Variants in ZRANB3 observed in about 807,000 individuals in gnomAD.
The protein encoded by ZRANB3 is zinc finger RANBP2-type containing 3.
Under a neutral mutation model 133.8 loss-of-function variants are expected in ZRANB3, and 125 were observed. That is an observed-to-expected ratio of 0.93 (90% CI 0.81 to 1.08). The LOEUF (loss-of-function observed/expected upper bound fraction) is 1.08, where lower values mean the gene tolerates loss of function less well. Ranked by LOEUF, ZRANB3 falls within the 50% of genes least tolerant of loss-of-function variation. The pLI is 0.00. For synonymous variants in ZRANB3, 387 were observed against 432.7 expected, an observed-to-expected ratio of 0.89 and a Z score of 1.31; for missense variants, 1,229 against 1,275.5, an observed-to-expected ratio of 0.96 and a Z score of 0.56.
At chr2:135,506,165 C>A (rs759240048) in intron 1 of ZRANB3, among the ~76,000 whole-genome samples, 16 of 151,980 alleles carry the variant, frequency 1.1e-4, no homozygotes, top group Non-Finnish European at 1.8e-4. Context: ...CCAAAGTGGG[C>A]GGATCACCTG....
rs111240763 is a variant in ZRANB3, at chr2:135,230,630, C to A, written c.1837G>T (p.Ala613Ser). The A allele has an allele frequency of 1.7e-4, 269 of 1,613,616 alleles. 2 individuals carry two copies. The African/African-American group carries it at 3.0e-3, about 18-fold the overall frequency. Residue 613 changes from alanine (A) to serine (S), a missense_variant, in exon 13 of 21, where the codon GCC (alanine) becomes TCC (serine). Physicochemically the swap from Ala to Ser is moderately conservative, Grantham distance 99. Coordinates refer to ENST00000264159, the MANE Select transcript of ZRANB3 (RefSeq NM_032143.4). The part of the protein sequence containing the change: ...PLVESVQEAK[A>S]QLTTPAFPVE... ...GGAAAGGCTGGGGTGGTTAACTGGG[C>A]CTTGGCCTCCTGTACACTTTCCACG... is the stretch of plus-strand genomic sequence containing the variant.
intron 8 of ZRANB3, among the ~76,000 whole-genome samples, chr2:135,283,805 T>C (rs1344637521): frequency 1.3e-5 from 2 of 151,910 alleles, no homozygotes; most frequent in African/African-American, 4.8e-5. Flanking sequence ...TCCATGCCTA[T>C]TTAGGGATGT....
At chr2:135,465,726 C>T (rs1428774192) in intron 2 of ZRANB3, among the ~76,000 whole-genome samples, 1 of 152,128 alleles carries the variant, frequency 6.6e-6, no homozygotes, top group Admixed American at 6.5e-5. Context: ...GCAGAGTGAA[C>T]AGGCAACCTA....
At chr2:135,274,790 G>A (rs1680705876) in intron 9 of ZRANB3, among the ~76,000 whole-genome samples, 1 of 152,190 alleles carries the variant, frequency 6.6e-6, no homozygotes, top group South Asian at 2.1e-4. Flanking sequence ...CAGTGTTTGT[G>A]TCCCTGGGTA....
At chr2:135,330,087 A>G (rs186504752) in intron 6 of ZRANB3, among the ~76,000 whole-genome samples, 2 of 152,044 alleles carry the variant, frequency 1.3e-5, no homozygotes, top group South Asian at 2.1e-4. Flanking sequence ...ACTTCCAACA[A>G]TATGTTGAAT....
intron 6 of ZRANB3, among the ~76,000 whole-genome samples, chr2:135,340,104 C>CA (rs1481469102): frequency 8.1e-6 from 1 of 123,776 alleles, no homozygotes; most frequent in Non-Finnish European, 1.8e-5. Flanking sequence ...TGTCCCTTTT[C>CA]TTTTTTTTTT....
intron 12 of ZRANB3, among the ~76,000 whole-genome samples, chr2:135,260,194 A>G (rs963571422): frequency 1.3e-4 from 20 of 152,300 alleles, no homozygotes; most frequent in African/African-American, 4.3e-4. Context: ...ACTCAATGGA[A>G]GCCACTGTAG....
In ZRANB3 at chr2:135,210,857, T is replaced by C. The variant is rs552723566; in HGVS notation, c.2496-1879A>G. The stretch of plus-strand genomic sequence containing the variant: ...TTCACACATTCACATGGTGAAACCC[T>C]GTCTCTACTAAAAGTACAAAAATTA... On this transcript the variant is annotated intron_variant, in intron 17 of 20. Coordinates refer to ENST00000264159, the MANE Select transcript of ZRANB3 (RefSeq NM_032143.4). Among the ~76,000 whole-genome samples the C allele has an allele frequency of 5.9e-5, 9 of 152,222 alleles. No homozygotes were observed. In the South Asian group the frequency reaches 1.9e-3, roughly 32 times the overall value.
intron 17 of ZRANB3, among the ~76,000 whole-genome samples, chr2:135,210,097 C>A (rs902538937): frequency 2.0e-5 from 3 of 152,010 alleles, no homozygotes; most frequent in African/African-American, 7.2e-5. Flanking sequence ...TTTATTTTGA[C>A]TCAAAATGAT....
At chr2:135,507,285 GA>G (rs920535174) in intron 1 of ZRANB3, among the ~76,000 whole-genome samples, 5 of 152,136 alleles carry the variant, frequency 3.3e-5, no homozygotes, top group Admixed American at 1.3e-4. Flanking sequence ...ATGGCTATAA[GA>G]TAAGAAGTGG....
chr2:135,206,375 A>G (rs904551784), intron 19 of ZRANB3, among the ~76,000 whole-genome samples: 5 of 151,492 alleles, frequency 3.3e-5, no homozygotes, highest in Admixed American at 3.3e-4. Flanking sequence ...AGTAGTTGGG[A>G]TTACAGGTGC....
rs1305015989 is a variant in ZRANB3, at chr2:135,504,333, C to T, written c.157G>A (p.Gly53Ser). 4 of 1,613,084 alleles carry T rather than the reference C, an allele frequency of 2.5e-6. No individual in the cohort carries two copies. In the African/African-American group the frequency reaches 5.3e-5, roughly 22 times the overall value. Residue 53 changes from glycine (G) to serine (S), a missense_variant, in exon 2 of 21, where the codon GGC becomes AGC. Gly to Ser is a moderately conservative substitution (Grantham distance 56, BLOSUM62 0). Coordinates refer to ENST00000264159, the MANE Select transcript of ZRANB3 (RefSeq NM_032143.4). Reference sequence around the variant, plus strand: ...CATGTCTTCAAAGAACTTTACCTGCCATTTCTTTTGAGGGCAAAAATGATG... The same window carrying T: ...CATGTCTTCAAAGAACTTTACCTGCTATTTCTTTTGAGGGCAAAAATGATG... ...DGIIFALKRN[G>S]RCMVADEMGL...
chr2:135,263,743 T>G (rs1445743021), intron 12 of ZRANB3, among the ~76,000 whole-genome samples: 1 of 151,904 alleles, frequency 6.6e-6, no homozygotes, highest in African/African-American at 2.4e-5. Flanking sequence ...TTATAACACA[T>G]TAAATAATAA....
intron 2 of ZRANB3, among the ~76,000 whole-genome samples, chr2:135,432,888 T>C (rs774011237): frequency 1.2e-4 from 19 of 152,046 alleles, no homozygotes; most frequent in Non-Finnish European, 5.9e-5. Flanking sequence ...CAGAGGAAAA[T>C]CTCCCTTACC....
rs1359641747 is a variant in ZRANB3 at position 135,198,609 on chromosome 2, T to C, written c.*1733A>G. ...CTGAAGAGCAAGTTCCCCTCAAATT[T>C]GACCTACTTAGACCTCGCTTGCAAA... On this transcript the variant is annotated 3_prime_UTR_variant, in exon 21 of 21. Coordinates refer to ENST00000264159, the MANE Select transcript of ZRANB3 (RefSeq NM_032143.4). 1 of 152,204 alleles carries C rather than the reference T, an allele frequency of 6.6e-6. No individual in the cohort carries two copies. The highest frequency in any genetic ancestry group is 1.9e-4 in the East Asian group (1 of 5,190). The allele number at this position is 152,204 out of a possible 1,614,324, so 9.4% of individuals were successfully genotyped here.
At chr2:135,292,274 T>C (rs927879807) in intron 8 of ZRANB3, among the ~76,000 whole-genome samples, 2 of 152,198 alleles carry the variant, frequency 1.3e-5, no homozygotes, top group Non-Finnish European at 2.9e-5. Context: ...CCTGACATTT[T>C]AATGATCGCC....
intron 1 of ZRANB3, among the ~76,000 whole-genome samples, chr2:135,526,680 T>C (rs558212410): frequency 2.0e-5 from 3 of 152,348 alleles, no homozygotes; most frequent in South Asian, 4.1e-4. Flanking sequence ...AAGTCTCTTG[T>C]GGTTAAAATC....
chr2:135,429,348 C>A (rs779208078), intron 2 of ZRANB3, among the ~76,000 whole-genome samples: 1 of 151,890 alleles, frequency 6.6e-6, no homozygotes, highest in Non-Finnish European at 1.5e-5. Flanking sequence ...TACAGATGAA[C>A]GCAAAGAAGA....
chr2:135,500,960 A>G (rs1241301363), intron 2 of ZRANB3, among the ~76,000 whole-genome samples: 1 of 152,080 alleles, frequency 6.6e-6, no homozygotes, highest in East Asian at 1.9e-4. Flanking sequence ...TGCAGCAGAC[A>G]AAACAAATGG....
Sources: allele counts gnomAD v4.1 joint callset (sites outside exome capture counted in the v4.1 genomes callset), GRCh38; gene constraint gnomAD v4.1.1; transcripts MANE v1.5; gene names NCBI Gene and HGNC (gene_info 2026-07-23, HGNC 2026-07-21).